Variants in DCC observed in about 807,000 individuals in gnomAD.
DCC encodes netrin receptor DCC.
DCC carries 58 observed loss-of-function variants against 172.5 expected under a neutral mutation model. The ratio of observed to expected loss-of-function variants is 0.34; its 90% CI spans 0.27 to 0.42. The LOEUF (loss-of-function observed/expected upper bound fraction) is 0.42. DCC is among the 10% of genes least tolerant of loss of function. The probability of loss-of-function intolerance (pLI) is 1.00; values close to 1 mark genes in which losing one functional copy is unlikely to be tolerated. For synonymous variants in DCC, 709 were observed against 644.5 expected (o/e 1.10, Z -1.52); for missense variants, 1,740 against 1,791.0 (o/e 0.97, Z 0.51).
intron 12 of DCC, among the ~76,000 whole-genome samples, chr18:53,259,553 G>A (rs2056567654): frequency 6.6e-6 from 1 of 152,082 alleles, no homozygotes; most frequent in Non-Finnish European, 1.5e-5. Flanking sequence ...CTCTCTTCTG[G>A]CTTGTAGAGT....
chr18:53,039,653 C>A (rs1211576304), intron 5 of DCC, among the ~76,000 whole-genome samples: 1 of 151,966 alleles, frequency 6.6e-6, no homozygotes. Context: ...CCTAGCATGA[C>A]CCTTAGGCCT....
intron 5 of DCC, among the ~76,000 whole-genome samples, chr18:53,047,266 AT>A (rs1206209101): frequency 1.8e-4 from 3 of 16,958 alleles, no homozygotes; most frequent in African/African-American, 3.4e-4. Context: ...ATATATATAT[AT>A]ATATATATAT....
At chr18:52,946,614 T>G (rs1174162894) in intron 5 of DCC, among the ~76,000 whole-genome samples, 1 of 152,182 alleles carries the variant, frequency 6.6e-6, no homozygotes, top group Non-Finnish European at 1.5e-5. Flanking sequence ...TGAGGCATTT[T>G]CTTTCCATGG....
At chr18:53,239,208 A>G (rs994905266) in intron 12 of DCC, among the ~76,000 whole-genome samples, 2 of 149,876 alleles carry the variant, frequency 1.3e-5, no homozygotes, top group African/African-American at 4.9e-5. Context: ...ATAAAAATAA[A>G]TAAATAAAAA....
At chr18:52,885,694 C>T (rs114058433) in intron 2 of DCC, among the ~76,000 whole-genome samples, 2,304 of 152,186 alleles carry the variant, frequency 0.015, 43 homozygotes, top group African/African-American at 0.039. Flanking sequence ...ACAAAGTCCC[C>T]TTTACTTTTC....
At chr18:53,206,434 T>C (rs1475927330) in intron 10 of DCC, among the ~76,000 whole-genome samples, 2 of 123,344 alleles carry the variant, frequency 1.6e-5, no homozygotes, top group African/African-American at 6.0e-5. Flanking sequence ...TATATATGTA[T>C]ATATACATAT....
At chr18:53,089,695 CTATTA>C (rs1247236337) in intron 7 of DCC, among the ~76,000 whole-genome samples, 1 of 152,128 alleles carries the variant, frequency 6.6e-6, no homozygotes, top group African/African-American at 2.4e-5. Flanking sequence ...CAAGTCATCC[CTATTA>C]TATAGCCATA....
chr18:53,013,988 C>T (rs2041769548), intron 5 of DCC, among the ~76,000 whole-genome samples: 1 of 152,220 alleles, frequency 6.6e-6, no homozygotes, highest in East Asian at 1.9e-4. Context: ...TTCACTGTTC[C>T]TCATGGCAAT....
intron 1 of DCC, among the ~76,000 whole-genome samples, chr18:52,629,995 A>G (rs2034646110): frequency 6.7e-6 from 1 of 148,284 alleles, no homozygotes; most frequent in African/African-American, 2.5e-5. Context: ...ACATGGTGGC[A>G]GGCACCTATA....
At position 53,489,569 on chromosome 18, in the gene DCC, C is replaced by T. The variant is rs117932894; in HGVS notation, c.3898+2611C>T. Among the ~76,000 whole-genome samples, 3 of 152,182 alleles carry T rather than the reference C, an allele frequency of 2.0e-5. No homozygotes were observed. In the East Asian group the frequency reaches 5.8e-4, roughly 29 times the overall value. ...GCCTTGGGAAACAGAGAAAGGCACA[C>T]GTATTAAAAGAAAAAGTTGACTTTG... On this transcript the variant is annotated intron_variant, in intron 26 of 28. Coordinates refer to ENST00000442544, the MANE Select transcript of DCC (RefSeq NM_005215.4).
At chr18:52,525,702 G>C (rs1462069704) in intron 1 of DCC, among the ~76,000 whole-genome samples, 2 of 152,184 alleles carry the variant, frequency 1.3e-5, no homozygotes, top group African/African-American at 4.8e-5. Context: ...AATAGATGCT[G>C]ATTAAGTGGA....
intron 1 of DCC, among the ~76,000 whole-genome samples, chr18:52,729,527 TGGGATTACA>T (rs1025675117): frequency 3.3e-5 from 5 of 152,220 alleles, no homozygotes; most frequent in African/African-American, 1.2e-4. Flanking sequence ...CCCAAAGTGC[TGGGATTACA>T]GGCCTGAGCC....
chr18:52,435,261 C>G (rs964795215), intron 1 of DCC, among the ~76,000 whole-genome samples: 6 of 152,194 alleles, frequency 3.9e-5, no homozygotes, highest in Non-Finnish European at 7.4e-5. Context: ...TTTTCTGCAC[C>G]AAGAAACTCC....
rs1249762806 is a variant in DCC at position 53,214,912 on chromosome 18, GA to G, written c.1862-631del. Among the ~76,000 whole-genome samples, 3 of 152,092 alleles carry G rather than the reference GA, an allele frequency of 2.0e-5. No individual in the cohort carries two copies. In the East Asian group the frequency reaches 5.8e-4, roughly 29 times the overall value. On this transcript the variant is annotated intron_variant, in intron 11 of 28. Coordinates refer to ENST00000442544, the MANE Select transcript of DCC (RefSeq NM_005215.4). ...AGTAGTTAAATAAAAATGTAGGCAA[GA>G]AAAACAAAATACCGTACCTAGAAAC...
chr18:52,830,376 C>T (rs2038591552), intron 2 of DCC, among the ~76,000 whole-genome samples: 1 of 152,074 alleles, frequency 6.6e-6, no homozygotes, highest in Non-Finnish European at 1.5e-5. Flanking sequence ...CCAATGAAGC[C>T]AAAAGATTGG....
At chr18:52,685,033 T>C (rs2035808112) in intron 1 of DCC, among the ~76,000 whole-genome samples, 1 of 152,130 alleles carries the variant, frequency 6.6e-6, no homozygotes, top group Non-Finnish European at 1.5e-5. Flanking sequence ...GATTCTTATG[T>C]TCCAAAGACA....
intron 2 of DCC, among the ~76,000 whole-genome samples, chr18:52,840,072 C>G (rs2038777797): frequency 6.6e-6 from 1 of 152,172 alleles, no homozygotes; most frequent in Non-Finnish European, 1.5e-5. Context: ...CTTAACATTT[C>G]TAGAAGGCTC....
chr18:52,791,961 T>C (rs1407275440), intron 2 of DCC, among the ~76,000 whole-genome samples: 1 of 152,162 alleles, frequency 6.6e-6, no homozygotes, highest in Non-Finnish European at 1.5e-5. Context: ...TTGGAGGATA[T>C]TTTGCTCTTA....
At chr18:53,025,826 A>ACC in intron 5 of DCC, among the ~76,000 whole-genome samples, 1 of 151,502 alleles carries the variant, frequency 6.6e-6, no homozygotes, top group East Asian at 1.9e-4. Flanking sequence ...ACACACACAC[A>ACC]CACACATAAA....
Sources: allele counts gnomAD v4.1 joint callset (sites outside exome capture counted in the v4.1 genomes callset), GRCh38; gene constraint gnomAD v4.1.1; transcripts MANE v1.5; gene names NCBI Gene and HGNC (gene_info 2026-07-23, HGNC 2026-07-21).